Variants in FAM135B observed in about 807,000 individuals in gnomAD.
The protein encoded by FAM135B is protein FAM135B.
Under a neutral mutation model 127.7 loss-of-function variants are expected in FAM135B, and 43 were observed. The observed-to-expected ratio is 0.34, with a 90% confidence interval of 0.26 to 0.43. The LOEUF (loss-of-function observed/expected upper bound fraction) is 0.43. Ranked by LOEUF, FAM135B falls within the 20% of genes least tolerant of loss-of-function variation. The probability of loss-of-function intolerance (pLI) is 1.00; values close to 1 mark genes in which losing one functional copy is unlikely to be tolerated. For synonymous variants in FAM135B, 670 were observed against 665.1 expected (o/e 1.01, Z -0.11); for missense variants, 1,558 against 1,725.6 (o/e 0.90, Z 1.72).
chr8:138,134,999 C>A (rs530791512), intron 19 of FAM135B, among the ~76,000 whole-genome samples: 1 of 152,270 alleles, frequency 6.6e-6, no homozygotes, highest in South Asian at 2.1e-4. Flanking sequence ...TATGCTAGAG[C>A]AGGAGTTGTC....
At chr8:138,479,503 T>G (rs1814684495) in intron 1 of FAM135B, among the ~76,000 whole-genome samples, 1 of 152,186 alleles carries the variant, frequency 6.6e-6, no homozygotes, top group African/African-American at 2.4e-5. Context: ...AGTTGCTACT[T>G]TCATCTTTAT....
In FAM135B at chr8:138,496,803, A is replaced by T. The variant is rs906493109; in HGVS notation, c.-152T>A. On this transcript the variant is annotated 5_prime_UTR_variant, in exon 1 of 20. Transcript: ENST00000395297. ...GCGGCGGGCGGACTGGGGAGTCCGCAGCACCTGCGAGCTGGTGTTGGGTCC... is the reference window on the plus strand; with the variant it reads ...GCGGCGGGCGGACTGGGGAGTCCGCTGCACCTGCGAGCTGGTGTTGGGTCC... 1 of 150,830 alleles carries T rather than the reference A, an allele frequency of 6.6e-6. No individual in the cohort carries two copies. Among genetic ancestry groups the T allele is most frequent in the Non-Finnish European group, 1.5e-5 (1 of 68,086 alleles). 9.3% of individuals were successfully genotyped at this position (150,830 alleles called of 1,614,324 possible). A position where few individuals can be genotyped will look rare whatever the true frequency, so the allele number is the denominator to read the frequency against.
At chr8:138,265,119 C>T (rs1281567068) in intron 4 of FAM135B, among the ~76,000 whole-genome samples, 1 of 152,172 alleles carries the variant, frequency 6.6e-6, no homozygotes, top group South Asian at 2.1e-4. Context: ...GCTGTTTCCC[C>T]TTGTTCGATG....
intron 12 of FAM135B, among the ~76,000 whole-genome samples, chr8:138,161,434 T>G (rs1288169210): frequency 1.3e-5 from 2 of 152,218 alleles, no homozygotes; most frequent in Non-Finnish European, 2.9e-5. Flanking sequence ...CTCATGTCTG[T>G]CTGTATCATG....
chr8:138,193,256 A>C (rs1816303475), intron 9 of FAM135B, among the ~76,000 whole-genome samples: 1 of 152,200 alleles, frequency 6.6e-6, no homozygotes, highest in Admixed American at 6.5e-5. Context: ...GGGCTATAGA[A>C]AGATTAAAGG....
intron 1 of FAM135B, among the ~76,000 whole-genome samples, chr8:138,397,784 C>T (rs1331468202): frequency 1.3e-5 from 2 of 152,118 alleles, no homozygotes; most frequent in African/African-American, 4.8e-5. Context: ...AGAACATTTT[C>T]CTTTGGTGAT....
At chr8:138,474,431 C>A (rs1452668482) in intron 1 of FAM135B, among the ~76,000 whole-genome samples, 1 of 152,114 alleles carries the variant, frequency 6.6e-6, no homozygotes, top group Non-Finnish European at 1.5e-5. Flanking sequence ...GTATAGACAC[C>A]AGCACATAGT....
intron 1 of FAM135B, among the ~76,000 whole-genome samples, chr8:138,480,584 G>A (rs182089121): frequency 6.6e-6 from 1 of 152,152 alleles, no homozygotes; most frequent in African/African-American, 2.4e-5. Flanking sequence ...GAATATATGA[G>A]AGAAATAGGA....
At chr8:138,355,282 C>T (rs993144639) in intron 2 of FAM135B, among the ~76,000 whole-genome samples, 4 of 152,072 alleles carry the variant, frequency 2.6e-5, no homozygotes, top group South Asian at 2.1e-4. Flanking sequence ...ATGTTTACTG[C>T]GGCACTACTC....
intron 8 of FAM135B, among the ~76,000 whole-genome samples, chr8:138,196,609 G>C (rs1447602252): frequency 6.6e-6 from 1 of 152,180 alleles, no homozygotes; most frequent in Non-Finnish European, 1.5e-5. Context: ...CAAAACCACA[G>C]TTATCTCAGC....
At chr8:138,273,512 T>A (rs1823555538) in intron 3 of FAM135B, among the ~76,000 whole-genome samples, 3 of 152,134 alleles carry the variant, frequency 2.0e-5, no homozygotes, top group Admixed American at 2.0e-4. Context: ...CCAAAGGGAA[T>A]CTTTAATTAC....
At chr8:138,306,726 G>A (rs565052546) in intron 3 of FAM135B, among the ~76,000 whole-genome samples, 1 of 151,996 alleles carries the variant, frequency 6.6e-6, no homozygotes, top group African/African-American at 2.4e-5. Flanking sequence ...GGGACTACAG[G>A]TGTGCACCAC....
chr8:138,350,268 C>T (rs1829686253), intron 2 of FAM135B, among the ~76,000 whole-genome samples: 1 of 152,162 alleles, frequency 6.6e-6, no homozygotes, highest in African/African-American at 2.4e-5. Flanking sequence ...AACATACTAT[C>T]CCGTTCTTTC....
At chr8:138,154,577 A>C (rs1424126633) in intron 12 of FAM135B, among the ~76,000 whole-genome samples, 1 of 152,150 alleles carries the variant, frequency 6.6e-6, no homozygotes, top group Admixed American at 6.5e-5. Context: ...AACTAGAATA[A>C]ACAGCATAGA....
chr8:138,368,965 G>C (rs1006575109), intron 1 of FAM135B, among the ~76,000 whole-genome samples: 1 of 152,078 alleles, frequency 6.6e-6, no homozygotes, highest in African/African-American at 2.4e-5. Flanking sequence ...CAAGAATTTT[G>C]TATTATTCTT....
chr8:138,179,558 TAGTA>T (rs1814810531), intron 9 of FAM135B, among the ~76,000 whole-genome samples: 1 of 152,192 alleles, frequency 6.6e-6, no homozygotes, highest in Non-Finnish European at 1.5e-5. Context: ...CACCTTCGCA[TAGTA>T]AGTGTTTAAA....
At chr8:138,227,418 G>C (rs889325529) in intron 7 of FAM135B, among the ~76,000 whole-genome samples, 2 of 152,214 alleles carry the variant, frequency 1.3e-5, no homozygotes. Context: ...CAGCCCTGCT[G>C]GGACCTGCCT....
chr8:138,405,666 A>G (rs1833436669), intron 1 of FAM135B, among the ~76,000 whole-genome samples: 1 of 152,194 alleles, frequency 6.6e-6, no homozygotes, highest in Non-Finnish European at 1.5e-5. Context: ...TAGTGCCACA[A>G]TAAACATACG....
chr8:138,412,699 A>C (rs1833931126), intron 1 of FAM135B, among the ~76,000 whole-genome samples: 1 of 152,250 alleles, frequency 6.6e-6, no homozygotes, highest in Non-Finnish European at 1.5e-5. Flanking sequence ...GGGCAATGGA[A>C]CAATGGATAA....
Sources: allele counts gnomAD v4.1 joint callset (sites outside exome capture counted in the v4.1 genomes callset), GRCh38; gene constraint gnomAD v4.1.1; transcripts MANE v1.5; gene names NCBI Gene and HGNC (gene_info 2026-07-23, HGNC 2026-07-21).